PA2G4: variants seen among roughly 807,000 people sequenced by gnomAD.
The protein encoded by PA2G4 is proliferation-associated 2G4.
Under a neutral mutation model 53.3 loss-of-function variants are expected in PA2G4, and 8 were observed. The ratio of observed to expected loss-of-function variants is 0.15; its 90% confidence interval spans 0.09 to 0.27. The LOEUF is 0.27. Among genes scored for constraint, PA2G4 ranks in the 10% least tolerant of loss-of-function variants. The pLI, the probability that PA2G4 is intolerant of heterozygous loss-of-function variation, is 1.00. For synonymous variants in PA2G4, 143 were observed against 169.8 expected (o/e 0.84, Z 1.23); for missense variants, 208 against 486.8 (o/e 0.43, Z 5.39).
At chr12:56,111,729 A>G (rs1031582120) in intron 12 of PA2G4, among the ~76,000 whole-genome samples, 200 bp downstream of exon 12, 1 of 146,112 alleles carries the variant, frequency 6.8e-6, no homozygotes, top group Non-Finnish European at 1.5e-5. Context: ...TATATATTTT[A>G]AGAGACAGAG....
rs753694548 is a variant in PA2G4, at chr12:56,104,568, G to T, written c.-170G>T. 8 of 752,816 alleles carry T rather than the reference G, an allele frequency of 1.1e-5. No individual in the cohort carries two copies. The Admixed American group carries it at 1.3e-4, about 13-fold the overall frequency. The allele number at this position is 752,816 out of a possible 1,614,324, so 46.6% of individuals were successfully genotyped here. ...GCGTGCCCTGCGCCTCAGCCCGCGC[G>T]CTCGCAGCTTCTCGCTCTCGCCTGC... On this transcript the variant is annotated 5_prime_UTR_variant, in exon 1 of 13. Coordinates refer to ENST00000303305, the MANE Select transcript of PA2G4 (RefSeq NM_006191.3).
Position 56,111,284 on chromosome 12 carries a change from T to C in PA2G4, c.1040T>C (p.Met347Thr). 6.2e-7 allele frequency: 1 copy of C among 1,614,194 alleles called. No homozygotes were observed. Among genetic ancestry groups the C allele is most frequent in the Non-Finnish European group, 8.5e-7 (1 of 1,180,024 alleles). ...GAGCCTGACCTCTACAAGTCTGAGA[T>C]GGAGGTCCAGGATGCAGAGCTAAAG... is the stretch of plus-strand genomic sequence containing the variant. ...PFEPDLYKSE[M>T]EVQDAELKAL... The change falls in exon 11 of 13, where the codon ATG (methionine) becomes ACG (threonine). Residue 347 changes from methionine (M) to threonine (T), a missense_variant. Transcript: ENST00000303305.
rs1019560079 is a variant in PA2G4 at position 56,112,659 on chromosome 12, G to A, written c.1120-164G>A. Among the ~76,000 whole-genome samples the A allele has an allele frequency of 3.3e-5, 5 of 152,238 alleles. 1 individual carries two copies. In the South Asian group the frequency reaches 1.0e-3, roughly 32 times the overall value. On this transcript the variant is annotated intron_variant, in intron 12 of 12. Coordinates refer to ENST00000303305, the MANE Select transcript of PA2G4 (RefSeq NM_006191.3). ...TAGTCCCAGCTACCTGGGAGGCTGA[G>A]GTGAGAGGATCACCTGAGCCCAGGG...
At chr12:56,108,388 C>A (rs1383010247) in intron 5 of PA2G4, among the ~76,000 whole-genome samples, 1 of 152,170 alleles carries the variant, frequency 6.6e-6, no homozygotes, top group African/African-American at 2.4e-5. Flanking sequence ...TTGAGTTAGA[C>A]CATCTTTGTG....
chr12:56,104,614 T>C lies in PA2G4; in HGVS notation c.-124T>C. ...CCTGCCTGCCCGCTCCCTTGCTTGC[T>C]CGCGCTTTCGCTCGCCCTCTCCTCG... On this transcript the variant is annotated 5_prime_UTR_variant, in exon 1 of 13. Coordinates refer to ENST00000303305, the MANE Select transcript of PA2G4 (RefSeq NM_006191.3). 1.0e-6 allele frequency: 1 copy of C among 967,876 alleles called. No homozygotes were observed. Among genetic ancestry groups the C allele is most frequent in the Non-Finnish European group, 1.7e-6 (1 of 590,400 alleles). The allele number at this position is 967,876 out of a possible 1,614,324, so 60.0% of individuals were successfully genotyped here.
rs997259891 is a variant in PA2G4, at chr12:56,113,095, C to T, written c.*207C>T. The T allele has an allele frequency of 8.9e-6, 4 of 449,838 alleles. No homozygotes were observed. Among genetic ancestry groups the T allele is most frequent in the Middle Eastern group, 5.5e-4 (1 of 1,830 alleles). 27.9% of individuals were successfully genotyped at this position (449,838 alleles called of 1,614,324 possible). Reference sequence around the variant, plus strand: ...GTCTTGGGAGGTGAGGCTTCCCAACCACGGAAGACTACTTTAAATGAAAAA... The same window carrying T: ...GTCTTGGGAGGTGAGGCTTCCCAACTACGGAAGACTACTTTAAATGAAAAA... On this transcript the variant is annotated 3_prime_UTR_variant, in exon 13 of 13. Coordinates refer to ENST00000303305, the MANE Select transcript of PA2G4 (RefSeq NM_006191.3).
intron 5 of PA2G4, 43 bp from the exon 6 acceptor site, chr12:56,109,187 T>A: frequency 7.5e-7 from 1 of 1,339,972 alleles, no homozygotes; most frequent in Non-Finnish European, 1.1e-6. Context: ...GAGAACTTAT[T>A]AGCTCCTGAT....
Position 56,113,907 on chromosome 12 carries a change from A to G in PA2G4, c.*1019A>G, listed in dbSNP as rs1218930811. On this transcript the variant is annotated 3_prime_UTR_variant, in exon 13 of 13. Coordinates refer to ENST00000303305, the MANE Select transcript of PA2G4 (RefSeq NM_006191.3). ...TAAAATAAATTTGGATTTGCTCATA[A>G]TGATGTGCTTTGTATGCTGCTCTTG... 8 of 702,132 alleles carry G rather than the reference A, an allele frequency of 1.1e-5. No homozygotes were observed. In the African/African-American group the frequency reaches 1.4e-4, roughly 12 times the overall value. The allele number at this position is 702,132 out of a possible 1,614,324, so 43.5% of individuals were successfully genotyped here.
chr12:56,107,428 G>C, intron 4 of PA2G4, 93 bp from the exon 5 acceptor site: 2 of 1,040,120 alleles, frequency 1.9e-6, no homozygotes, highest in Non-Finnish European at 3.0e-6. Context: ...TCATTGGCTG[G>C]TCTTCGCATA....
intron 12 of PA2G4, among the ~76,000 whole-genome samples, chr12:56,112,176 A>G (rs1297608130): frequency 6.6e-6 from 1 of 152,116 alleles, no homozygotes; most frequent in Admixed American, 6.5e-5. Context: ...ATCATAGCTC[A>G]CTGTATCCTC....
rs1869471312 is a variant in PA2G4, at chr12:56,113,315, G to C, written c.*427G>C. 1 of 165,218 alleles carries C rather than the reference G, an allele frequency of 6.1e-6. No homozygotes were observed. Among genetic ancestry groups the C allele is most frequent in the Non-Finnish European group, 1.3e-5 (1 of 77,242 alleles). 10.2% of individuals were successfully genotyped at this position (165,218 alleles called of 1,614,324 possible). A position where few individuals can be genotyped will look rare whatever the true frequency, so the allele number is the denominator to read the frequency against. On this transcript the variant is annotated 3_prime_UTR_variant, in exon 13 of 13. Coordinates refer to ENST00000303305, the MANE Select transcript of PA2G4 (RefSeq NM_006191.3). ...GTCAGCATTTTTTCCATCTGTTTGGGGCTTTTTCCTCTTTTTTCCATTCTC... is the reference window on the plus strand; with the variant it reads ...GTCAGCATTTTTTCCATCTGTTTGGCGCTTTTTCCTCTTTTTTCCATTCTC...
chr12:56,109,344 G>A (rs766002111), intron 6 of PA2G4, 51 bp downstream of exon 6: 1 of 1,380,524 alleles, frequency 7.2e-7, no homozygotes, highest in Non-Finnish European at 1.0e-6. Flanking sequence ...GCTTTGCCAG[G>A]TGCGGTGGCT....
intron 2 of PA2G4, 110 bp downstream of exon 2, chr12:56,106,826 G>C: frequency 5.6e-6 from 8 of 1,436,236 alleles, no homozygotes; most frequent in Non-Finnish European, 7.5e-6. Flanking sequence ...TCTGGCTGAG[G>C]TATTTGGAAA....
Position 56,113,838 on chromosome 12 carries a change from A to G in PA2G4, c.*950A>G, listed in dbSNP as rs929596419. 8.5e-6 allele frequency: 6 copies of G among 702,134 alleles called. No homozygotes were observed. In the African/African-American group the frequency reaches 8.7e-5, roughly 10 times the overall value. The allele number at this position is 702,134 out of a possible 1,614,324, so 43.5% of individuals were successfully genotyped here. On this transcript the variant is annotated 3_prime_UTR_variant, in exon 13 of 13. Transcript: ENST00000303305. ...GCTGTCCCAGGAAACTAGGGCTCCC[A>G]CTAACTTATGAGGTTTTTAAACACA... is the stretch of plus-strand genomic sequence containing the variant.
intron 12 of PA2G4, 99 bp from the exon 13 acceptor site, chr12:56,112,724 G>T: frequency 1.2e-6 from 1 of 823,276 alleles, no homozygotes; most frequent in Non-Finnish European, 2.0e-6. Flanking sequence ...AACAGAGTGA[G>T]ACTGTCTCAG....
chr12:56,111,030 A>G lies in PA2G4; in HGVS notation c.909A>G (p.Gln303=), dbSNP rs1164896257. Residue 303 remains glutamine, a synonymous_variant, in exon 10 of 13, where the codon CAA becomes CAG. Transcript: ENST00000303305. ...VVECAKHELL[Q]PFNVLYEKEG... ...AGTGCGCCAAACATGAACTGCTGCA[A>G]CCATTTAATGTTCTCTATGAGAAGG... 7.4e-6 allele frequency: 12 copies of G among 1,613,942 alleles called. No homozygotes were observed. Among genetic ancestry groups the G allele is most frequent in the Non-Finnish European group, 1.0e-5 (12 of 1,179,992 alleles).
chr12:56,105,330 TC>T (rs1869277011), intron 1 of PA2G4, among the ~76,000 whole-genome samples: 1 of 152,074 alleles, frequency 6.6e-6, no homozygotes, highest in South Asian at 2.1e-4. Context: ...GACACCAGCT[TC>T]CCCACCACCA....
Position 56,104,598 on chromosome 12 carries a change from C to G in PA2G4, c.-140C>G, listed in dbSNP as rs768916868. ...CAGCTTCTCGCTCTCGCCTGCCTGCCCGCTCCCTTGCTTGCTCGCGCTTTC... is the reference window on the plus strand; with the variant it reads ...CAGCTTCTCGCTCTCGCCTGCCTGCGCGCTCCCTTGCTTGCTCGCGCTTTC... On this transcript the variant is annotated 5_prime_UTR_variant, in exon 1 of 13. Coordinates refer to ENST00000303305, the MANE Select transcript of PA2G4 (RefSeq NM_006191.3). 1 of 868,074 alleles carries G rather than the reference C, an allele frequency of 1.2e-6. No individual in the cohort carries two copies. Among genetic ancestry groups the G allele is most frequent in the African/African-American group, 1.6e-5 (1 of 60,818 alleles). The allele number at this position is 868,074 out of a possible 1,614,324, so 53.8% of individuals were successfully genotyped here.
chr12:56,113,836 C>G lies in PA2G4; in HGVS notation c.*948C>G, dbSNP rs1869484127. ...ATGCTGTCCCAGGAAACTAGGGCTCCCACTAACTTATGAGGTTTTTAAACA... is the reference window on the plus strand; with the variant it reads ...ATGCTGTCCCAGGAAACTAGGGCTCGCACTAACTTATGAGGTTTTTAAACA... On this transcript the variant is annotated 3_prime_UTR_variant, in exon 13 of 13. Transcript: ENST00000303305. 1 of 701,948 alleles carries G rather than the reference C, an allele frequency of 1.4e-6. No individual in the cohort carries two copies. The allele number at this position is 701,948 out of a possible 1,614,324, so 43.5% of individuals were successfully genotyped here. A position where few individuals can be genotyped will look rare whatever the true frequency, so the allele number is the denominator to read the frequency against.
Sources: gnomAD v4.1 joint callset for allele counts (sites outside exome capture counted in the v4.1 genomes callset) on GRCh38, gnomAD v4.1.1 for gene constraint, MANE v1.5 for transcripts, NCBI Gene and HGNC (gene_info 2026-07-23, HGNC 2026-07-21) for gene names.